Variants in DNMT3A observed in about 807,000 individuals in gnomAD.
The protein encoded by DNMT3A is DNA (cytosine-5)-methyltransferase 3A.
DNMT3A carries 267 observed loss-of-function variants against 117.6 expected under a neutral mutation model. That is an observed-to-expected ratio of 2.27 (90% confidence interval 2.05 to 2.51). The LOEUF is 2.51. DNMT3A is among the 30% of genes most tolerant of loss of function. The probability of loss-of-function intolerance (pLI) is 0.00; values close to 1 mark genes in which losing one functional copy is unlikely to be tolerated. For synonymous variants in DNMT3A, 432 were observed against 474.8 expected (o/e 0.91, Z 1.17); for missense variants, 1,029 against 1,260.2 (o/e 0.82, Z 2.78).
At position 25,228,076 on chromosome 2, in the gene DNMT3A, A is replaced by T. The variant is rs1672741215; in HGVS notation, c.*6203T>A. 1 of 151,420 alleles carries T rather than the reference A, an allele frequency of 6.6e-6. No homozygotes were observed. Among genetic ancestry groups the T allele is most frequent in the Admixed American group, 6.6e-5 (1 of 15,164 alleles). The allele number at this position is 151,420 out of a possible 1,614,324, so 9.4% of individuals were successfully genotyped here. On this transcript the variant is annotated 3_prime_UTR_variant, in exon 23 of 23. Coordinates refer to ENST00000321117, the MANE Select transcript of DNMT3A (RefSeq NM_022552.5). ...TGTCACGAGCATCACTTACACAGAG[A>T]TACAACAGGACACCAGGCGGGTGGG...
At chr2:25,302,014 G>C (rs901245422) in intron 2 of DNMT3A, among the ~76,000 whole-genome samples, 13 of 152,304 alleles carry the variant, frequency 8.5e-5, no homozygotes, top group African/African-American at 3.1e-4. Flanking sequence ...CCAGCGGGAA[G>C]AGCATCCCTG....
chr2:25,282,191 T>A lies in DNMT3A; in HGVS notation c.448+250A>T, dbSNP rs2031930665. On this transcript the variant is annotated intron_variant, in intron 4 of 22. Coordinates refer to ENST00000321117, the MANE Select transcript of DNMT3A (RefSeq NM_022552.5). The surrounding 1 kb of genome is among the most constrained non-coding windows in gnomAD (Gnocchi z 5.2). ...TCATGAGAAGCCAAAACTCCAGATT[T>A]TTATGTGAAATTTTTTGATTTTTAA... 8.0e-7 allele frequency: 1 copy of A among 1,247,636 alleles called. No individual in the cohort carries two copies. The highest frequency in any genetic ancestry group is 1.0e-6 in the Non-Finnish European group (1 of 984,016). The allele number at this position is 1,247,636 out of a possible 1,614,324, so 77.3% of individuals were successfully genotyped here. A position where few individuals can be genotyped will look rare whatever the true frequency, so the allele number is the denominator to read the frequency against.
At chr2:25,295,575 C>T (rs557983662) in intron 3 of DNMT3A, among the ~76,000 whole-genome samples, 88 of 152,336 alleles carry the variant, frequency 5.8e-4, no homozygotes, top group Non-Finnish European at 9.8e-4. Flanking sequence ...CTTTTTCCAG[C>T]AGCCCTGAAT....
In DNMT3A at chr2:25,234,395, TATAG is replaced by T; in HGVS notation, c.2619_2622del (p.His873GlnfsTer7). 1 of 1,613,746 alleles carries T rather than the reference TATAG, an allele frequency of 6.2e-7. No homozygotes were observed. The highest frequency in any genetic ancestry group is 8.5e-7 in the Non-Finnish European group (1 of 1,179,832). On this transcript the variant is annotated frameshift_variant, in exon 23 of 23. Transcript: ENST00000321117. LOFTEE classifies it high-confidence loss of function. This position sits in a 1 kb window ranked among gnomAD's most constrained non-coding sequence, Gnocchi z 4.5. The stretch of plus-strand genomic sequence containing the variant: ...AAGCGGCTCATGTTGGAGACGTCAG[TATAG>T]TGGACTGGGAAACCAAATACCCTGG...
rs928685265 is a variant in DNMT3A at position 25,237,288 on chromosome 2, A to AG, written c.2409-284dup. ...CAGGCAGATAACACCTAGCAGAAAA[A>AG]GAAAAAAAAAGCACAGCTATCTTTA... On this transcript the variant is annotated intron_variant, in intron 20 of 22. Transcript: ENST00000321117. The surrounding 1 kb of genome is among the most constrained non-coding windows in gnomAD (Gnocchi z 5.4). Among the ~76,000 whole-genome samples, 16 of 152,244 alleles carry AG rather than the reference A, an allele frequency of 1.1e-4. No individual in the cohort carries two copies. Among genetic ancestry groups the AG allele is most frequent in the African/African-American group, 3.9e-4 (16 of 41,472 alleles).
chr2:25,232,007 C>A lies in DNMT3A; in HGVS notation c.*2272G>T, dbSNP rs957532410. 6.6e-6 allele frequency: 1 copy of A among 152,134 alleles called. No individual in the cohort carries two copies. Among genetic ancestry groups the A allele is most frequent in the Non-Finnish European group, 1.5e-5 (1 of 68,058 alleles). 9.4% of individuals were successfully genotyped at this position (152,134 alleles called of 1,614,324 possible). ...GTACAGAAATATGCTCCTGTGTATG[C>A]GTGTGAGATTGACTGATTGGTGTGG... is the stretch of plus-strand genomic sequence containing the variant. On this transcript the variant is annotated 3_prime_UTR_variant, in exon 23 of 23. Transcript: ENST00000321117. The surrounding 1 kb of genome is among the most constrained non-coding windows in gnomAD (Gnocchi z 4.1).
intron 5 of DNMT3A, 126 bp downstream of exon 5, chr2:25,275,374 C>G: frequency 1.4e-6 from 2 of 1,386,216 alleles, no homozygotes; most frequent in South Asian, 2.6e-5. Flanking sequence ...CACTTCCTCT[C>G]CTTCCCACAG....
Position 25,244,216 on chromosome 2 carries a change from C to T in DNMT3A, c.1790G>A (p.Arg597Gln). 1 of 1,614,028 alleles carries T rather than the reference C, an allele frequency of 6.2e-7. No homozygotes were observed. Among genetic ancestry groups the T allele is most frequent in the Middle Eastern group, 1.6e-4 (1 of 6,062 alleles). ...GHKGTYGLLR[R>Q]REDWPSRLQM... The stretch of plus-strand genomic sequence containing the variant: ...GAGCCGGGAGGGCCAGTCCTCTCGC[C>T]GCCGCAGCAGCCCGTAGGTACCCTT... The change falls in exon 15 of 23, where the codon CGG becomes CAG. Residue 597 changes from arginine to glutamine, a missense_variant. Transcript: ENST00000321117.
At chr2:25,320,792 A>G (rs987461409) in intron 1 of DNMT3A, among the ~76,000 whole-genome samples, 4 of 152,202 alleles carry the variant, frequency 2.6e-5, no homozygotes, top group Admixed American at 1.3e-4. Flanking sequence ...GCATGTATGT[A>G]CACACAAATT....
At chr2:25,284,694 A>AT (rs1553424226) in intron 3 of DNMT3A, among the ~76,000 whole-genome samples, 2 of 150,530 alleles carry the variant, frequency 1.3e-5, no homozygotes, top group African/African-American at 4.9e-5. Flanking sequence ...AAAAAAAAAA[A>AT]AATAATGCTA....
At chr2:25,274,258 G>T (rs918924666) in intron 6 of DNMT3A, among the ~76,000 whole-genome samples, 1 of 152,160 alleles carries the variant, frequency 6.6e-6, no homozygotes, top group African/African-American at 2.4e-5. Context: ...AGCTATTCTA[G>T]CTCCAAAATA....
chr2:25,239,131 T>A lies in DNMT3A; in HGVS notation c.2407A>T (p.Arg803Trp), dbSNP rs1673686841. 6.2e-7 allele frequency: 1 copy of A among 1,613,840 alleles called. No individual in the cohort carries two copies. The highest frequency in any genetic ancestry group is 8.5e-7 in the Non-Finnish European group (1 of 1,179,826). The change falls in exon 20 of 23, where the codon AGG (arginine) becomes TGG (tryptophan). Residue 803 changes from arginine (R) to tryptophan (W), a missense_variant and splice_region_variant. Coordinates refer to ENST00000321117, the MANE Select transcript of DNMT3A (RefSeq NM_022552.5). ...YFWGNLPGMN[R>W]PLASTVNDKL... ...CCAGGCCCAGGAGCTTTCACCAACC[T>A]GTTCATACCGGGAAGGTTACCCCAG...
chr2:25,285,242 C>A (rs996141081), intron 3 of DNMT3A, among the ~76,000 whole-genome samples: 1 of 152,222 alleles, frequency 6.6e-6, no homozygotes, highest in Non-Finnish European at 1.5e-5. Flanking sequence ...CCCTGCAAAG[C>A]CCTATTTCCA....
intron 1 of DNMT3A, among the ~76,000 whole-genome samples, chr2:25,332,529 C>T (rs1431287097): frequency 6.6e-6 from 1 of 152,222 alleles, no homozygotes; most frequent in African/African-American, 2.4e-5. Flanking sequence ...CACAGTAGGT[C>T]TCTTAGATGA....
chr2:25,282,039 G>A lies in DNMT3A; in HGVS notation c.448+402C>T. 1 of 1,158,310 alleles carries A rather than the reference G, an allele frequency of 8.6e-7. No individual in the cohort carries two copies. Among genetic ancestry groups the A allele is most frequent in the East Asian group, 4.5e-5 (1 of 22,196 alleles). The allele number at this position is 1,158,310 out of a possible 1,614,324, so 71.8% of individuals were successfully genotyped here. On this transcript the variant is annotated intron_variant, in intron 4 of 22. Transcript: ENST00000321117. This position sits in a 1 kb window ranked among gnomAD's most constrained non-coding sequence, Gnocchi z 5.2. ...GCACGTGGGAGAGTAAGCAGGCCAG[G>A]TAGAGCTGCAGAAAACTAAGGCCCA...
rs1033269924 is a variant in DNMT3A, at chr2:25,234,716, G to C, written c.2598-296C>G. ...GAGTTTCACAACCCAGCAGAAATAA[G>C]AGTAATTTTGAACAATCCCTCAGAA... On this transcript the variant is annotated intron_variant, in intron 22 of 22. Transcript: ENST00000321117. This position sits in a 1 kb window ranked among gnomAD's most constrained non-coding sequence, Gnocchi z 4.5. 1.3e-5 allele frequency among the ~76,000 whole-genome samples: 2 copies of C among 152,202 alleles called. No homozygotes were observed. The highest frequency in any genetic ancestry group is 1.3e-4 in the Admixed American group (2 of 15,274).
chr2:25,275,410 G>GC, intron 5 of DNMT3A, 90 bp downstream of exon 5: 7 of 1,451,156 alleles, frequency 4.8e-6, no homozygotes, highest in South Asian at 1.3e-5. Context: ...AGGAGGAGGG[G>GC]CCCACCCTCC....
Position 25,273,331 on chromosome 2 carries a change from C to T in DNMT3A, c.639+1610G>A, listed in dbSNP as rs542220483. Among the ~76,000 whole-genome samples, 7 of 152,180 alleles carry T rather than the reference C, an allele frequency of 4.6e-5. No homozygotes were observed. In the South Asian group the frequency reaches 8.3e-4, roughly 18 times the overall value. ...TTCACCAAGCTAGCCAGGCTGGTCT[C>T]GAACTCCTGACCTCCTTTCAGCTTC... On this transcript the variant is annotated intron_variant, in intron 6 of 22. Transcript: ENST00000321117.
intron 1 of DNMT3A, chr2:25,328,581 G>A (rs1286341819): frequency 1.3e-5 from 6 of 459,156 alleles, no homozygotes; most frequent in Middle Eastern, 3.3e-4. Flanking sequence ...CTTGCTGCCC[G>A]TCCCCCCCGC....
Sources: allele counts gnomAD v4.1 joint callset (sites outside exome capture counted in the v4.1 genomes callset), GRCh38; gene constraint gnomAD v4.1.1; non-coding constraint Gnocchi (gnomAD v3.1); transcripts MANE v1.5; gene names NCBI Gene and HGNC (gene_info 2026-07-23, HGNC 2026-07-21).